Variants in BMPER observed in about 807,000 individuals in gnomAD.
BMPER encodes the protein BMP-binding endothelial regulator protein.
In BMPER, 45 loss-of-function variants were observed where a neutral mutation model predicts 87.3. The ratio of observed to expected loss-of-function variants is 0.52; its 90% CI spans 0.41 to 0.66. BMPER has a LOEUF of 0.66. Ranked by LOEUF, BMPER falls within the 30% of genes least tolerant of loss-of-function variation. The probability of loss-of-function intolerance (pLI) is 0.00; values close to 1 mark genes in which losing one functional copy is unlikely to be tolerated. For missense variants in BMPER, 784 were observed against 867.5 expected, an observed-to-expected ratio of 0.90 and a Z score of 1.21; for synonymous variants, 326 against 316.2, an observed-to-expected ratio of 1.03 and a Z score of -0.33.
In BMPER at chr7:34,098,806, T is replaced by C. The variant is rs1789602250; in HGVS notation, c.1745+12714T>C. 3.3e-5 allele frequency among the ~76,000 whole-genome samples: 5 copies of C among 152,332 alleles called. No individual in the cohort carries two copies. In the South Asian group the frequency reaches 1.0e-3, roughly 32 times the overall value. On this transcript the variant is annotated intron_variant, in intron 13 of 14. Transcript: ENST00000649409. ...AGGATATTAAGCAGATACTGACCCG[T>C]AGTTTTGTGGCCACTACTAGAATTT...
chr7:34,025,836 C>T (rs1156868863), intron 6 of BMPER, among the ~76,000 whole-genome samples: 1 of 151,956 alleles, frequency 6.6e-6, no homozygotes, highest in East Asian at 1.9e-4. Flanking sequence ...TATAGAGCCC[C>T]AGGATATTTT....
intron 2 of BMPER, among the ~76,000 whole-genome samples, chr7:33,912,749 C>G (rs1187238394): frequency 3.9e-5 from 6 of 152,120 alleles, no homozygotes; most frequent in Non-Finnish European, 7.4e-5. Flanking sequence ...AGTGGGAGGT[C>G]AAGTGTGCTT....
chr7:34,027,563 GTTTA>G (rs1339951515), intron 6 of BMPER, among the ~76,000 whole-genome samples: 5 of 152,050 alleles, frequency 3.3e-5, no homozygotes, highest in African/African-American at 9.7e-5. Flanking sequence ...ACACTTATGT[GTTTA>G]TTTGAGTTGT....
intron 11 of BMPER, among the ~76,000 whole-genome samples, chr7:34,063,944 T>A (rs953077269): frequency 3.3e-5 from 5 of 152,248 alleles, no homozygotes; most frequent in Admixed American, 6.5e-5. Context: ...TCATTACCTC[T>A]GCCAATCACA....
intron 6 of BMPER, among the ~76,000 whole-genome samples, chr7:33,997,267 C>T (rs752272146): frequency 2.0e-5 from 3 of 152,212 alleles, no homozygotes; most frequent in Non-Finnish European, 4.4e-5. Context: ...CTCCCCTCTG[C>T]CCTCAACTTG....
chr7:33,989,799 G>A (rs1295545377), intron 6 of BMPER, among the ~76,000 whole-genome samples: 1 of 152,148 alleles, frequency 6.6e-6, no homozygotes, highest in African/African-American at 2.4e-5. Flanking sequence ...TGTATAAGGT[G>A]TAAGGAAGGG....
At chr7:34,108,407 C>T (rs1789878833) in intron 13 of BMPER, among the ~76,000 whole-genome samples, 1 of 152,246 alleles carries the variant, frequency 6.6e-6, no homozygotes, top group African/African-American at 2.4e-5. Context: ...GAGCCCACAG[C>T]CCACTGGCTG....
At chr7:34,010,718 G>A (rs572208937) in intron 6 of BMPER, among the ~76,000 whole-genome samples, 1 of 151,980 alleles carries the variant, frequency 6.6e-6, no homozygotes, top group Admixed American at 6.6e-5. Context: ...GTAACTACAT[G>A]CTATACTACT....
intron 14 of BMPER, among the ~76,000 whole-genome samples, chr7:34,145,254 G>C (rs776516656): frequency 2.0e-4 from 30 of 152,206 alleles, no homozygotes; most frequent in Non-Finnish European, 3.1e-4. Context: ...AGCTTCCTCA[G>C]CTGCCCCTTG....
At chr7:34,042,889 A>G (rs1298773470) in intron 6 of BMPER, 1 of 152,192 alleles carries the variant, frequency 6.6e-6, no homozygotes, top group Non-Finnish European at 1.5e-5. Context: ...TGTGCCCCAA[A>G]TACAGGGGTA....
intron 3 of BMPER, among the ~76,000 whole-genome samples, chr7:33,944,537 T>C (rs1233920489): frequency 1.3e-5 from 2 of 152,220 alleles, no homozygotes; most frequent in African/African-American, 4.8e-5. Flanking sequence ...GTTAGAAACC[T>C]TTGAAATAGC....
intron 13 of BMPER, among the ~76,000 whole-genome samples, chr7:34,087,143 G>C (rs1000528862): frequency 2.0e-5 from 3 of 152,124 alleles, no homozygotes; most frequent in Non-Finnish European, 4.4e-5. Context: ...GACTGTCCCT[G>C]TCATCACAAA....
intron 13 of BMPER, among the ~76,000 whole-genome samples, chr7:34,119,890 A>G (rs1041472358): frequency 2.6e-5 from 4 of 152,216 alleles, no homozygotes; most frequent in African/African-American, 7.2e-5. Flanking sequence ...GTGAAAAAAT[A>G]TAACCTAAAA....
At chr7:34,009,945 A>G (rs975340050) in intron 6 of BMPER, among the ~76,000 whole-genome samples, 3 of 151,998 alleles carry the variant, frequency 2.0e-5, no homozygotes, top group Non-Finnish European at 4.4e-5. Context: ...GATAGAAGGA[A>G]GGTGACCTTC....
At chr7:34,059,189 T>G (rs963523097) in intron 10 of BMPER, among the ~76,000 whole-genome samples, 6 of 152,188 alleles carry the variant, frequency 3.9e-5, no homozygotes, top group African/African-American at 1.4e-4. Flanking sequence ...ATGCCAGTCC[T>G]CCGGGAACCC....
chr7:34,024,394 T>A (rs1420426422), intron 6 of BMPER, among the ~76,000 whole-genome samples: 131 of 10,612 alleles, frequency 0.012, no homozygotes, highest in African/African-American at 0.058. Flanking sequence ...AATATATATA[T>A]ATATATATAT....
chr7:34,098,007 G>A (rs1422701346), intron 13 of BMPER, among the ~76,000 whole-genome samples: 6 of 150,694 alleles, frequency 4.0e-5, no homozygotes, highest in African/African-American at 9.8e-5. Context: ...TTTTTTTTTC[G>A]AAGAAAAAGG....
chr7:34,119,527 G>A (rs192882354), intron 13 of BMPER, among the ~76,000 whole-genome samples: 6 of 152,236 alleles, frequency 3.9e-5, no homozygotes, highest in East Asian at 1.9e-4. Context: ...GTAATGCTAT[G>A]TGGAACATCT....
chr7:34,064,115 A>C (rs903077604), intron 11 of BMPER, among the ~76,000 whole-genome samples: 3 of 152,170 alleles, frequency 2.0e-5, no homozygotes, highest in African/African-American at 7.2e-5. Flanking sequence ...ACAAGGTAAA[A>C]CCCCATTTCT....
Sources: gnomAD v4.1 joint callset for allele counts (sites outside exome capture counted in the v4.1 genomes callset) on GRCh38, gnomAD v4.1.1 for gene constraint, MANE v1.5 for transcripts, NCBI Gene and HGNC (gene_info 2026-07-23, HGNC 2026-07-21) for gene names.